MYO1D: variants seen among roughly 807,000 people sequenced by gnomAD.
MYO1D encodes the protein myosin ID, also known as unconventional myosin-Id.
In MYO1D, 83 loss-of-function variants were observed where a neutral mutation model predicts 122.0. That is an observed-to-expected ratio of 0.68 (90% CI 0.57 to 0.82). The LOEUF (loss-of-function observed/expected upper bound fraction) is 0.82. Ranked by LOEUF, MYO1D falls within the 40% of genes least tolerant of loss-of-function variation. The pLI, the probability that MYO1D is intolerant of heterozygous loss-of-function variation, is 0.00. For synonymous variants in MYO1D, 464 were observed against 446.9 expected (o/e 1.04, Z -0.48); for missense variants, 1,157 against 1,269.5 (o/e 0.91, Z 1.35).
intron 21 of MYO1D, among the ~76,000 whole-genome samples, chr17:32,564,075 A>G (rs2087150539): frequency 1.3e-5 from 2 of 152,264 alleles, no homozygotes; most frequent in African/African-American, 4.8e-5. Context: ...ATGGACAATT[A>G]GCAGATAATG....
chr17:32,705,937 T>C (rs1326944928), intron 16 of MYO1D, among the ~76,000 whole-genome samples: 1 of 152,212 alleles, frequency 6.6e-6, no homozygotes, highest in Non-Finnish European at 1.5e-5. Context: ...TGTTAAGACA[T>C]GCCTTTCACC....
intron 1 of MYO1D, among the ~76,000 whole-genome samples, chr17:32,801,386 TCGG>T (rs2090459199): frequency 1.3e-5 from 2 of 152,242 alleles, no homozygotes; most frequent in Non-Finnish European, 2.9e-5. Context: ...GGCTGAGGAT[TCGG>T]CTGGATCACT....
Position 32,638,803 on chromosome 17 carries a change from T to G in MYO1D, c.2628A>C (p.Ala876=). Residue 876 remains alanine (A), a synonymous_variant, in exon 20 of 22, where the codon GCA becomes GCC. Coordinates refer to ENST00000318217, the MANE Select transcript of MYO1D (RefSeq NM_015194.3). ...VNRFSKVEDR[A]IFVTDRHLYK... is the part of the protein sequence containing the mutation. ...ACAGGTGACGGTCAGTGACAAAAATTGCTCTGTCTTCCACCTTACTAAATC... is the reference window on the plus strand; with the variant it reads ...ACAGGTGACGGTCAGTGACAAAAATGGCTCTGTCTTCCACCTTACTAAATC... 1 of 1,613,864 alleles carries G rather than the reference T, an allele frequency of 6.2e-7. No individual in the cohort carries two copies. The highest frequency in any genetic ancestry group is 8.5e-7 in the Non-Finnish European group (1 of 1,179,834).
chr17:32,602,589 A>G (rs543038171), intron 21 of MYO1D: 2 of 152,332 alleles, frequency 1.3e-5, no homozygotes, highest in East Asian at 3.9e-4. Flanking sequence ...GCCTTGTTAG[A>G]TCAGAAACTA....
intron 21 of MYO1D, among the ~76,000 whole-genome samples, chr17:32,591,005 C>T (rs1198639771): frequency 6.6e-6 from 1 of 152,232 alleles, no homozygotes; most frequent in African/African-American, 2.4e-5. Context: ...ATGATGAACA[C>T]GTCACAAAGC....
intron 16 of MYO1D, among the ~76,000 whole-genome samples, chr17:32,678,254 CT>C (rs67248492): frequency 0.012 from 1,750 of 149,222 alleles, 16 homozygotes; most frequent in Admixed American, 0.017. Flanking sequence ...AAATATATTT[CT>C]TTTTTTTTTT....
At position 32,765,060 on chromosome 17, in the gene MYO1D, C is replaced by T; in HGVS notation, c.853G>A (p.Asp285Asn). The T allele has an allele frequency of 6.2e-7, 1 of 1,612,862 alleles. No homozygotes were observed. Among genetic ancestry groups the T allele is most frequent in the African/African-American group, 1.3e-5 (1 of 75,018 alleles). The change falls in exon 8 of 22, where the codon GAT becomes AAT. Residue 285 changes from aspartate to asparagine, a missense_variant. Asp to Asn is a conservative substitution (Grantham distance 23). Transcript: ENST00000318217. ...LHLGNLKFVV[D>N]GDTPLIENGK... is the part of the protein sequence containing the mutation. ...TTCTCAATAAGAGGCGTGTCACCAT[C>T]TACTACAAATTTTAAATTTCCCTGT...
chr17:32,739,270 T>C (rs2089745560), intron 13 of MYO1D, among the ~76,000 whole-genome samples: 1 of 151,750 alleles, frequency 6.6e-6, no homozygotes, highest in South Asian at 2.1e-4. Flanking sequence ...TAGACTGGAT[T>C]AAGAAAATGT....
At chr17:32,602,312 C>T (rs962202091) in intron 21 of MYO1D, among the ~76,000 whole-genome samples, 17 of 152,182 alleles carry the variant, frequency 1.1e-4, no homozygotes, top group Admixed American at 6.5e-4. Flanking sequence ...TTTGCATGCC[C>T]GTAATCTTTG....
rs150925874 is a variant in MYO1D, at chr17:32,873,320, A to G, written c.95+3458T>C. 4.6e-5 allele frequency among the ~76,000 whole-genome samples: 7 copies of G among 152,226 alleles called. 1 individual carries two copies. The highest frequency in any genetic ancestry group is 3.3e-4 in the Admixed American group (5 of 15,284). ...ATTACATGACTTAAAGGAAGGAAGC[A>G]GGCCTTGCAGAAGAGCCAGGTGGGA... On this transcript the variant is annotated intron_variant, in intron 1 of 21. Transcript: ENST00000318217.
chr17:32,740,096 C>A (rs1178820782), intron 13 of MYO1D, among the ~76,000 whole-genome samples: 1 of 152,120 alleles, frequency 6.6e-6, no homozygotes, highest in Non-Finnish European at 1.5e-5. Context: ...CTTTTTCATT[C>A]TTATCTTTAG....
chr17:32,629,075 A>G (rs2087967588), intron 20 of MYO1D, among the ~76,000 whole-genome samples: 1 of 152,248 alleles, frequency 6.6e-6, no homozygotes, highest in Admixed American at 6.5e-5. Context: ...ATGGGAAGAC[A>G]TGACGGAACC....
intron 1 of MYO1D, among the ~76,000 whole-genome samples, chr17:32,788,297 T>C (rs1187149463): frequency 6.6e-6 from 1 of 152,240 alleles, no homozygotes; most frequent in Non-Finnish European, 1.5e-5. Flanking sequence ...TTAGTTTAAG[T>C]AGGTCCCATC....
chr17:32,596,350 G>A (rs2087492452), intron 21 of MYO1D, among the ~76,000 whole-genome samples: 1 of 152,218 alleles, frequency 6.6e-6, no homozygotes, highest in Non-Finnish European at 1.5e-5. Flanking sequence ...AGCAGAAGGC[G>A]TGAGCAGCAG....
At chr17:32,708,117 T>C (rs577498176) in intron 16 of MYO1D, among the ~76,000 whole-genome samples, 1 of 152,334 alleles carries the variant, frequency 6.6e-6, no homozygotes, top group Non-Finnish European at 1.5e-5. Context: ...AGGATAGTCT[T>C]GAGGACTCTC....
At chr17:32,549,915 ACACT>A (rs1284616308) in intron 21 of MYO1D, among the ~76,000 whole-genome samples, 1 of 152,200 alleles carries the variant, frequency 6.6e-6, no homozygotes, top group Non-Finnish European at 1.5e-5. Flanking sequence ...AATGAAGTTG[ACACT>A]CAGTATTATC....
At position 32,521,209 on chromosome 17, in the gene MYO1D, G is replaced by A. The variant is rs556370745; in HGVS notation, c.2865-26294C>T. Among the ~76,000 whole-genome samples, 7 of 152,204 alleles carry A rather than the reference G, an allele frequency of 4.6e-5. No homozygotes were observed. In the East Asian group the frequency reaches 1.4e-3, roughly 29 times the overall value. On this transcript the variant is annotated intron_variant, in intron 21 of 21. Transcript: ENST00000318217. ...AAGACCCCTCCCTCAGGGCCAGATG[G>A]CCTGCCTCCCTCCGCTGCCTACTCC...
At chr17:32,564,121 A>G (rs2087150894) in intron 21 of MYO1D, among the ~76,000 whole-genome samples, 1 of 152,252 alleles carries the variant, frequency 6.6e-6, no homozygotes. Context: ...AGTGGCTTCC[A>G]AAGACCCTTG....
chr17:32,796,243 G>A (rs539275284), intron 1 of MYO1D, among the ~76,000 whole-genome samples: 1 of 152,106 alleles, frequency 6.6e-6, no homozygotes, highest in African/African-American at 2.4e-5. Flanking sequence ...GTAGTTAGCT[G>A]CATTTTACCT....
Sources: allele counts gnomAD v4.1 joint callset (sites outside exome capture counted in the v4.1 genomes callset), GRCh38; gene constraint gnomAD v4.1.1; transcripts MANE v1.5; gene names NCBI Gene and HGNC (gene_info 2026-07-23, HGNC 2026-07-21).